The following LRRC37A variants were observed in gnomAD, a reference collection of about 807,000 sequenced individuals.
LRRC37A encodes leucine-rich repeat-containing protein 37A.
LRRC37A carries 3 observed loss-of-function variants against 35.4 expected under a neutral mutation model. That is an observed-to-expected ratio of 0.08 (90% CI 0.04 to 0.22). The LOEUF is 0.22. Ranked by LOEUF, LRRC37A falls within the 10% of genes least tolerant of loss-of-function variation. The pLI is 1.00. For missense variants in LRRC37A, 67 were observed against 565.3 expected, an observed-to-expected ratio of 0.12 and a Z score of 8.94; for synonymous variants, 23 against 215.0, an observed-to-expected ratio of 0.11 and a Z score of 7.81.
At position 46,307,785 on chromosome 17, in the gene LRRC37A, G is replaced by T. The variant is rs2050618011; in HGVS notation, c.2906+1476G>T. ...GTAATTCCAGCACTTTGCTGAGGTG[G>T]GTGGATCACCTGAGGTCAGGAGTTC... On this transcript the variant is annotated intron_variant, in intron 5 of 13. Coordinates refer to ENST00000320254, the Ensembl canonical transcript of LRRC37A. Among the ~76,000 whole-genome samples, 2 of 79,096 alleles carry T rather than the reference G, an allele frequency of 2.5e-5. 1 individual carries two copies. Among genetic ancestry groups the T allele is most frequent in the Admixed American group, 2.6e-4 (2 of 7,626 alleles). 51.9% of individuals were successfully genotyped at this position (79,096 alleles called of 152,430 possible).
the LRRC37A span, among the ~76,000 whole-genome samples, chr17:46,256,993 T>C: frequency 6.6e-6 from 1 of 152,274 alleles, no homozygotes; most frequent in Non-Finnish European, 1.5e-5. Flanking sequence ...CTTTTTTCTT[T>C]CAACCTTATA....
At chr17:46,335,139 A>T (rs2052252559) in intron 10 of LRRC37A, among the ~76,000 whole-genome samples, 1 of 45,070 alleles carries the variant, frequency 2.2e-5, no homozygotes, top group African/African-American at 3.8e-5. Flanking sequence ...GGTTGAGGCT[A>T]CAGTGAGCTG....
the LRRC37A span, among the ~76,000 whole-genome samples, chr17:46,284,086 C>T: frequency 2.0e-5 from 3 of 152,248 alleles, no homozygotes; most frequent in African/African-American, 7.2e-5. Context: ...GGGCAGGAGA[C>T]AGATGCCTTC....
upstream of LRRC37A, among the ~76,000 whole-genome samples, chr17:46,291,282 G>A (rs2050059406): frequency 6.6e-6 from 1 of 152,200 alleles, no homozygotes; most frequent in Non-Finnish European, 1.5e-5. Context: ...ACATACAAGT[G>A]AGAGTAAAAT....
chr17:46,315,287 G>C (rs2051013103), intron 5 of LRRC37A, among the ~76,000 whole-genome samples: 1 of 85,502 alleles, frequency 1.2e-5, no homozygotes, highest in African/African-American at 3.2e-5. Context: ...CACTTTGGGA[G>C]GCTGCGGTGG....
At chr17:46,248,744 T>C in the LRRC37A span, among the ~76,000 whole-genome samples, 1 of 151,982 alleles carries the variant, frequency 6.6e-6, no homozygotes. Flanking sequence ...GGTTTGGAAG[T>C]CCTGACCTCA....
intron 5 of LRRC37A, among the ~76,000 whole-genome samples, chr17:46,307,650 T>C: frequency 1.9e-5 from 1 of 52,730 alleles, no homozygotes; most frequent in Non-Finnish European, 6.5e-5. Context: ...CACCAAGAGG[T>C]TTAGGTAGCA....
the LRRC37A span, among the ~76,000 whole-genome samples, chr17:46,286,012 T>C: frequency 6.6e-6 from 1 of 152,252 alleles, no homozygotes; most frequent in Non-Finnish European, 1.5e-5. Context: ...TACTCATCAA[T>C]GAGCTCTGCC....
intron 5 of LRRC37A, among the ~76,000 whole-genome samples, chr17:46,307,782 G>C (rs1218094950): frequency 1.3e-5 from 1 of 79,266 alleles, no homozygotes; most frequent in African/African-American, 3.1e-5. Flanking sequence ...CTTTGCTGAG[G>C]TGGGTGGATC....
At chr17:46,282,338 C>T in the LRRC37A span, among the ~76,000 whole-genome samples, 12,853 of 138,710 alleles carry the variant, frequency 0.093, 1 homozygote, top group Non-Finnish European at 0.14. Flanking sequence ...CTCCTGACTT[C>T]GTGATCCGCC....
chr17:46,279,268 C>T, the LRRC37A span, among the ~76,000 whole-genome samples: 1 of 150,846 alleles, frequency 6.6e-6, no homozygotes, highest in Non-Finnish European at 1.5e-5. Context: ...ACTGCAACCT[C>T]CACGTCTCAG....
chr17:46,252,747 A>G, the LRRC37A span, among the ~76,000 whole-genome samples: 1 of 152,136 alleles, frequency 6.6e-6, no homozygotes, highest in African/African-American at 2.4e-5. Flanking sequence ...GTATAGAACA[A>G]AATGAAAAGT....
chr17:46,262,813 A>G, the LRRC37A span, among the ~76,000 whole-genome samples: 1 of 152,130 alleles, frequency 6.6e-6, no homozygotes, highest in Non-Finnish European at 1.5e-5. Flanking sequence ...AAAAGAAAAG[A>G]AAAAAGAAAG....
At chr17:46,253,145 A>C in the LRRC37A span, among the ~76,000 whole-genome samples, 2 of 147,558 alleles carry the variant, frequency 1.4e-5, no homozygotes, top group Non-Finnish European at 3.0e-5. Context: ...CTCACCTCCC[A>C]GATGGGGTCA....
the LRRC37A span, among the ~76,000 whole-genome samples, chr17:46,264,509 A>G: frequency 6.6e-6 from 1 of 152,212 alleles, no homozygotes. Flanking sequence ...AAGCAACCTG[A>G]TGATAACTTG....
chr17:46,259,363 C>T, the LRRC37A span, among the ~76,000 whole-genome samples: 93 of 152,314 alleles, frequency 6.1e-4, no homozygotes, highest in African/African-American at 2.0e-3. Flanking sequence ...CTCACCACAA[C>T]TTAAGCCAAA....
chr17:46,326,870 CTGAA>C (rs1293759321), intron 7 of LRRC37A, among the ~76,000 whole-genome samples: 1 of 58,422 alleles, frequency 1.7e-5, no homozygotes, highest in Non-Finnish European at 4.1e-5. Flanking sequence ...TTTTATCTCT[CTGAA>C]AGTGCCCCCA....
the LRRC37A span, among the ~76,000 whole-genome samples, chr17:46,253,699 G>C: frequency 7.4e-6 from 1 of 135,512 alleles, no homozygotes; most frequent in Admixed American, 7.8e-5. Context: ...GATGGCGGCA[G>C]TACAGTCCAG....
the LRRC37A span, chr17:46,268,748 A>G: frequency 7.5e-5 from 96 of 1,275,206 alleles, no homozygotes; most frequent in South Asian, 3.7e-5. Flanking sequence ...CAAGACATGA[A>G]AGGTCTATCT....
Sources: allele counts gnomAD v4.1 joint callset (sites outside exome capture counted in the v4.1 genomes callset), GRCh38; gene constraint gnomAD v4.1.1; transcripts MANE v1.5; gene names NCBI Gene and HGNC (gene_info 2026-07-23, HGNC 2026-07-21).